Variants in ZNF706 observed in about 807,000 individuals in gnomAD.
The protein encoded by ZNF706 is zinc finger protein 706.
In ZNF706, 4 loss-of-function variants were observed where a neutral mutation model predicts 9.2. The ratio of observed to expected loss-of-function variants is 0.43; its 90% CI spans 0.21 to 0.99. The LOEUF (loss-of-function observed/expected upper bound fraction) is 0.99. Among genes scored for constraint, ZNF706 ranks in the 50% least tolerant of loss-of-function variants. The pLI is 0.26. For synonymous variants in ZNF706, 28 were observed against 27.3 expected (o/e 1.03, Z -0.08); for missense variants, 27 against 87.8 (o/e 0.31, Z 2.77).
At chr8:101,202,316 G>C (rs1810590427) in intron 1 of ZNF706, 1 of 146,470 alleles carries the variant, frequency 6.8e-6, no homozygotes, top group Non-Finnish European at 1.5e-5. Flanking sequence ...AAATTAGGCA[G>C]GCATGGTGGT....
In ZNF706 at chr8:101,197,710, C is replaced by T. The variant is rs1474739495; in HGVS notation, c.*1542G>A. On this transcript the variant is annotated 3_prime_UTR_variant, in exon 4 of 4. Transcript: ENST00000311212. ...TGGTAATCGACATGTTAGGAAACAA[C>T]AGATATTACATCTGAAACTTAGGAA... 1 of 152,128 alleles carries T rather than the reference C, an allele frequency of 6.6e-6. No individual in the cohort carries two copies. The highest frequency in any genetic ancestry group is 1.5e-5 in the Non-Finnish European group (1 of 68,010). The allele number at this position is 152,128 out of a possible 1,614,324, so 9.4% of individuals were successfully genotyped here.
intron 1 of ZNF706, chr8:101,204,070 T>C (rs1810662004): frequency 6.6e-6 from 1 of 152,244 alleles, no homozygotes; most frequent in Non-Finnish European, 1.5e-5. Context: ...CACAATGTAT[T>C]TTATGTATCT....
At position 101,199,209 on chromosome 8, in the gene ZNF706, A is replaced by C. The variant is rs548222795; in HGVS notation, c.*43T>G. On this transcript the variant is annotated 3_prime_UTR_variant, in exon 4 of 4. Coordinates refer to ENST00000311212, the MANE Select transcript of ZNF706 (RefSeq NM_016096.5). Reference sequence around the variant, plus strand: ...AGGTATGTTACCTAAGGTCTGAGACAGTAGAAGAGTCAAAGGTGTCATGAA... The same window carrying C: ...AGGTATGTTACCTAAGGTCTGAGACCGTAGAAGAGTCAAAGGTGTCATGAA... 4.0e-5 allele frequency: 28 copies of C among 701,986 alleles called. No homozygotes were observed. The highest frequency in any genetic ancestry group is 7.0e-5 in the Non-Finnish European group (27 of 384,480). The allele number at this position is 701,986 out of a possible 1,614,324, so 43.5% of individuals were successfully genotyped here.
chr8:101,205,828 G>A (rs1388385131), upstream of ZNF706: 1 of 152,254 alleles, frequency 6.6e-6, no homozygotes, highest in Non-Finnish European at 1.5e-5. This position sits in a 1 kb window ranked among gnomAD's most constrained non-coding sequence, Gnocchi z 6.6. Flanking sequence ...ATAAGCGCGA[G>A]GGGGCGGGCC....
chr8:101,203,948 C>T (rs1394425483), intron 1 of ZNF706: 1 of 152,240 alleles, frequency 6.6e-6, no homozygotes, highest in Non-Finnish European at 1.5e-5. Context: ...ACAGTAGTCA[C>T]GTGATCAGCC....
Position 101,199,078 on chromosome 8 carries a change from C to T in ZNF706, c.*174G>A. 1 of 501,714 alleles carries T rather than the reference C, an allele frequency of 2.0e-6. No individual in the cohort carries two copies. The highest frequency in any genetic ancestry group is 3.6e-6 in the Non-Finnish European group (1 of 281,466). 31.1% of individuals were successfully genotyped at this position (501,714 alleles called of 1,614,324 possible). A position where few individuals can be genotyped will look rare whatever the true frequency, so the allele number is the denominator to read the frequency against. ...CAAATCAGAGTCAACTGTACATTTA[C>T]ACAGAATTGTCTTTGCATGAAGCCC... is the stretch of plus-strand genomic sequence containing the variant. On this transcript the variant is annotated 3_prime_UTR_variant, in exon 4 of 4. Coordinates refer to ENST00000311212, the MANE Select transcript of ZNF706 (RefSeq NM_016096.5).
intron 1 of ZNF706, chr8:101,203,012 T>C (rs1586268451): frequency 6.6e-6 from 1 of 152,190 alleles, no homozygotes; most frequent in Non-Finnish European, 1.5e-5. Context: ...AATTATAAAA[T>C]GAGATTATCA....
rs1196776004 is a variant in ZNF706, at chr8:101,198,273, A to G, written c.*979T>C. 6.6e-6 allele frequency: 1 copy of G among 152,220 alleles called. No individual in the cohort carries two copies. Among genetic ancestry groups the G allele is most frequent in the Non-Finnish European group, 1.5e-5 (1 of 68,020 alleles). The allele number at this position is 152,220 out of a possible 1,614,324, so 9.4% of individuals were successfully genotyped here. A position where few individuals can be genotyped will look rare whatever the true frequency, so the allele number is the denominator to read the frequency against. On this transcript the variant is annotated 3_prime_UTR_variant, in exon 4 of 4. Coordinates refer to ENST00000311212, the MANE Select transcript of ZNF706 (RefSeq NM_016096.5). Reference sequence around the variant, plus strand: ...AAAATCAACAACTCACTTAGAAAAGAAAGGAGGGAGAGGGTTCTGGGAATT... The same window carrying G: ...AAAATCAACAACTCACTTAGAAAAGGAAGGAGGGAGAGGGTTCTGGGAATT...
In ZNF706 at chr8:101,201,419, C is replaced by T. The variant is rs953989704; in HGVS notation, c.135+188G>A. The T allele has an allele frequency of 1.8e-4, 99 of 563,966 alleles. 1 individual carries two copies. The highest frequency in any genetic ancestry group is 1.7e-3 in the African/African-American group (87 of 52,608). 34.9% of individuals were successfully genotyped at this position (563,966 alleles called of 1,614,324 possible). A position where few individuals can be genotyped will look rare whatever the true frequency, so the allele number is the denominator to read the frequency against. ...TTTTCCCAGCACCTAGAGATTTTTG[C>T]CTGGCCACAGGAGCCATTCAAAAAA... On this transcript the variant is annotated intron_variant, in intron 2 of 3. Transcript: ENST00000311212. The surrounding 1 kb of genome is among the most constrained non-coding windows in gnomAD (Gnocchi z 4.5).
chr8:101,200,167 C>A, intron 2 of ZNF706, 70 bp from the exon 3 acceptor site: 1 of 1,250,560 alleles, frequency 8.0e-7, no homozygotes, highest in Non-Finnish European at 1.2e-6. Flanking sequence ...TTTTTAGAAT[C>A]CTGAACCTTC....
intron 2 of ZNF706, chr8:101,200,387 C>A (rs550630382): frequency 3.3e-5 from 8 of 242,696 alleles, no homozygotes; most frequent in African/African-American, 1.8e-4. Flanking sequence ...AAGCATGTTA[C>A]CTTAATTCCC....
intron 1 of ZNF706, chr8:101,204,540 A>G: frequency 1.2e-6 from 1 of 818,696 alleles, no homozygotes; most frequent in Non-Finnish European, 1.5e-6. Flanking sequence ...AGCTCAACTT[A>G]GGACTTGCTC....
In ZNF706 at chr8:101,197,372, C is replaced by T. The variant is rs1332821912; in HGVS notation, c.*1880G>A. On this transcript the variant is annotated 3_prime_UTR_variant, in exon 4 of 4. Coordinates refer to ENST00000311212, the MANE Select transcript of ZNF706 (RefSeq NM_016096.5). Reference sequence around the variant, plus strand: ...TAAAATGGGGATTGTACTAATAATCCCCTCATGAAGTATAAGGATGATTAT... The same window carrying T: ...TAAAATGGGGATTGTACTAATAATCTCCTCATGAAGTATAAGGATGATTAT... 6.6e-6 allele frequency: 1 copy of T among 151,718 alleles called. No individual in the cohort carries two copies. Among genetic ancestry groups the T allele is most frequent in the Non-Finnish European group, 1.5e-5 (1 of 67,938 alleles). The allele number at this position is 151,718 out of a possible 1,614,324, so 9.4% of individuals were successfully genotyped here. A position where few individuals can be genotyped will look rare whatever the true frequency, so the allele number is the denominator to read the frequency against.
intron 3 of ZNF706, 31 bp downstream of exon 3, chr8:101,199,959 T>A: frequency 6.6e-7 from 1 of 1,508,020 alleles, no homozygotes; most frequent in Non-Finnish European, 9.2e-7. Context: ...ACCCTGTTAT[T>A]AACAAACCAA....
upstream of ZNF706, chr8:101,206,096 C>T (rs1810764027): frequency 1.3e-5 from 2 of 152,376 alleles, no homozygotes; most frequent in South Asian, 4.1e-4. Flanking sequence ...CCCTCCTCGG[C>T]ACCGACTGAG....
intron 2 of ZNF706, 99 bp from the exon 3 acceptor site, chr8:101,200,196 C>A: frequency 1.1e-6 from 1 of 888,044 alleles, no homozygotes; most frequent in African/African-American, 1.7e-5. Context: ...GACAATTATC[C>A]CAAAAACACC....
At chr8:101,204,499 A>G in intron 1 of ZNF706, 1 of 454,336 alleles carries the variant, frequency 2.2e-6, no homozygotes, top group Non-Finnish European at 2.9e-6. Flanking sequence ...GAAAGCAGAA[A>G]TTCAAACGAA....
upstream of ZNF706, chr8:101,206,086 C>T (rs534884494): frequency 5.9e-5 from 9 of 152,352 alleles, no homozygotes; most frequent in Non-Finnish European, 1.3e-4. Flanking sequence ...CTCGGCGCCG[C>T]CCTCCTCGGC....
chr8:101,204,453 T>G (rs1810677896), intron 1 of ZNF706: 1 of 187,896 alleles, frequency 5.3e-6, no homozygotes, highest in African/African-American at 2.4e-5. Context: ...GGTAGGCCCC[T>G]AACTTCTGAC....
Sources: gnomAD v4.1 joint callset for allele counts on GRCh38, gnomAD v4.1.1 for gene constraint, Gnocchi (gnomAD v3.1) non-coding constraint, MANE v1.5 for transcripts, NCBI Gene and HGNC (gene_info 2026-07-23, HGNC 2026-07-21) for gene names.